DST: variants seen among roughly 807,000 people sequenced by gnomAD.
DST encodes dystonin.
Under a neutral mutation model 875.2 loss-of-function variants are expected in DST, and 253 were observed. The observed-to-expected ratio is 0.29, with a 90% CI of 0.26 to 0.32. DST has a LOEUF of 0.32. Among genes scored for constraint, DST ranks in the 10% least tolerant of loss-of-function variants. DST has a pLI of 1.00. For synonymous variants in DST, 3,124 were observed against 3,197.1 expected (o/e 0.98, Z 0.77); for missense variants, 8,287 against 9,111.6 (o/e 0.91, Z 3.68).
chr6:56,501,315 A>C, intron 79 of DST, 80 bp from the exon 80 acceptor site: 3 of 1,418,698 alleles, frequency 2.1e-6, no homozygotes, highest in Non-Finnish European at 2.8e-6. Flanking sequence ...GACAAAAATA[A>C]TTGTTTCATG....
rs1001984627 is a variant in DST at position 56,506,821 on chromosome 6, T to G, written c.19240-32A>C. Reference sequence around the variant, plus strand: ...TAAGAAAATGACAGCCTTAGAATTTTAAGCAAAACCACATCAAAACTTTAA... The same window carrying G: ...TAAGAAAATGACAGCCTTAGAATTTGAAGCAAAACCACATCAAAACTTTAA... On this transcript the variant is annotated intron_variant, in intron 75 of 103. Coordinates refer to ENST00000680361, the MANE Select transcript of DST (RefSeq NM_001374736.1). 3.8e-6 allele frequency: 6 copies of G among 1,587,674 alleles called. No individual in the cohort carries two copies. In the African/African-American group the frequency reaches 6.8e-5, roughly 18 times the overall value.
chr6:56,819,251 G>C (rs2099770165), intron 4 of DST, among the ~76,000 whole-genome samples: 1 of 152,178 alleles, frequency 6.6e-6, no homozygotes, highest in Non-Finnish European at 1.5e-5. Flanking sequence ...TACCAGAGAG[G>C]AGAAAGAGAT....
In DST at chr6:56,597,801, T is replaced by G; in HGVS notation, c.12134A>C (p.Asp4045Ala). The G allele has an allele frequency of 6.2e-7, 1 of 1,613,930 alleles. No individual in the cohort carries two copies. The highest frequency in any genetic ancestry group is 8.5e-7 in the Non-Finnish European group (1 of 1,179,850). The part of the protein sequence containing the change: ...DEVNGNLLET[D>A]VDGQVGTTQE... ...AGTGGTTCCAACTTGCCCATCAACA[T>G]CAGTCTCCAACAGGTTACCATTAAC... is the stretch of plus-strand genomic sequence containing the variant. Residue 4045 changes from aspartate (D) to alanine (A), a missense_variant, in exon 47 of 104, where the codon GAT (aspartate) becomes GCT (alanine). By Grantham distance (126) the Asp-to-Ala change is moderately radical. Coordinates refer to ENST00000680361, the MANE Select transcript of DST (RefSeq NM_001374736.1).
intron 3 of DST, among the ~76,000 whole-genome samples, chr6:56,886,245 TA>T (rs1215272444): frequency 1.3e-5 from 2 of 152,128 alleles, no homozygotes; most frequent in African/African-American, 4.8e-5. Flanking sequence ...AAAGACTAAA[TA>T]AACATAGGAT....
At chr6:56,732,781 C>A (rs1008892633) in intron 5 of DST, among the ~76,000 whole-genome samples, 2 of 152,164 alleles carry the variant, frequency 1.3e-5, no homozygotes, top group East Asian at 3.9e-4. Flanking sequence ...AAAGTAAACA[C>A]AACCCCACAT....
At chr6:56,926,350 G>T (rs539091350) in intron 2 of DST, among the ~76,000 whole-genome samples, 5 of 152,160 alleles carry the variant, frequency 3.3e-5, no homozygotes, top group African/African-American at 1.2e-4. Context: ...AACATGGAAT[G>T]CACCCTCAGC....
At chr6:56,878,279 AG>A (rs1780422580) in intron 3 of DST, among the ~76,000 whole-genome samples, 1 of 152,152 alleles carries the variant, frequency 6.6e-6, no homozygotes, top group Non-Finnish European at 1.5e-5. Context: ...ACCAAGGGAG[AG>A]GGCTTCAAGG....
At chr6:56,833,185 C>T (rs1475804907) in intron 4 of DST, among the ~76,000 whole-genome samples, 2 of 152,138 alleles carry the variant, frequency 1.3e-5, no homozygotes, top group African/African-American at 2.4e-5. Flanking sequence ...TTAGGAACTA[C>T]GACTCTTCTA....
At chr6:56,885,181 G>T (rs529049969) in intron 3 of DST, among the ~76,000 whole-genome samples, 1 of 152,016 alleles carries the variant, frequency 6.6e-6, no homozygotes, top group African/African-American at 2.4e-5. Flanking sequence ...GCTCATAGCC[G>T]CCCTCCCCTT....
At position 56,722,452 on chromosome 6, in the gene DST, C is replaced by T. The variant is rs535268131; in HGVS notation, c.687+12776G>A. Among the ~76,000 whole-genome samples the T allele has an allele frequency of 8.4e-4, 128 of 152,214 alleles. 1 individual carries two copies. Among genetic ancestry groups the T allele is most frequent in the Non-Finnish European group, 1.6e-3 (106 of 68,018 alleles). ...AGGCTGGAGTGCAGTGGTGCAATCT[C>T]GGCTCACTGCAACCTCTGCCTCCCA... is the stretch of plus-strand genomic sequence containing the variant. On this transcript the variant is annotated intron_variant, in intron 5 of 103. Transcript: ENST00000680361.
chr6:56,469,012 A>C lies in DST; in HGVS notation c.22552-13T>G, dbSNP rs2094735615. The C allele has an allele frequency of 6.4e-7, 1 of 1,571,452 alleles. No individual in the cohort carries two copies. The highest frequency in any genetic ancestry group is 1.4e-5 in the African/African-American group (1 of 73,964). ...TTCCCAGGAAGAACTGATAAAAATG[A>C]AAAATGGAAGAAAGACACAATTAGT... On this transcript the variant is annotated splice_polypyrimidine_tract_variant and intron_variant, in intron 97 of 103. Transcript: ENST00000680361.
rs557119793 is a variant in DST at position 56,799,048 on chromosome 6, G to C, written c.625+52349C>G. ...GCAAAGAAAGTGGTTTCTTGAGGCA[G>C]AATCTACTCCTGGTGAAGACACTGT... On this transcript the variant is annotated intron_variant, in intron 4 of 103. Transcript: ENST00000680361. Among the ~76,000 whole-genome samples, 80 of 152,234 alleles carry C rather than the reference G, an allele frequency of 5.3e-4. 1 individual carries two copies. The highest frequency in any genetic ancestry group is 1.6e-4 in the Non-Finnish European group (11 of 68,040).
intron 3 of DST, among the ~76,000 whole-genome samples, chr6:56,872,832 C>CCTTT (rs5876523): frequency 1.2e-4 from 15 of 127,892 alleles, no homozygotes; most frequent in African/African-American, 3.7e-4. Flanking sequence ...TCCCCCCCCC[C>CCTTT]TTTTTTTTTT....
intron 61 of DST, chr6:56,541,110 T>G (rs985008583): frequency 6.6e-6 from 1 of 152,630 alleles, no homozygotes; most frequent in African/African-American, 2.4e-5. Context: ...ACAAAAGAGC[T>G]TTCACTTTTG....
At chr6:56,764,999 A>AGGAAGGAAGGG (rs1589856716) in intron 4 of DST, among the ~76,000 whole-genome samples, 1 of 134,046 alleles carries the variant, frequency 7.5e-6, no homozygotes, top group African/African-American at 3.2e-5. Flanking sequence ...GGGAGGGAGG[A>AGGAAGGAAGGG]AGGGAGGGAG....
chr6:56,463,601 C>T lies in DST; in HGVS notation c.22923G>A (p.Ala7641=), dbSNP rs554371778. Residue 7641 remains alanine (A), a synonymous_variant, in exon 101 of 104, where the codon GCG becomes GCA. Transcript: ENST00000680361. ...TGGTGGCAGGGACCTGTGGGGAGGC[C>T]GCCTGCGCAGCCTGACTGGACACAG... is the stretch of plus-strand genomic sequence containing the variant. ...STSVSSQAAQ[A]ASPQVPATTT... The T allele has an allele frequency of 1.8e-5, 29 of 1,605,658 alleles. No homozygotes were observed. Among genetic ancestry groups the T allele is most frequent in the Middle Eastern group, 1.7e-4 (1 of 6,038 alleles).
rs1362389881 is a variant in DST at position 56,634,579 on chromosome 6, T to C, written c.3377A>G (p.Asn1126Ser). Residue 1126 changes from asparagine to serine, a missense_variant, in exon 26 of 104, where the codon AAT becomes AGT. Physicochemically the swap from Asn to Ser is conservative, Grantham distance 46. Coordinates refer to ENST00000680361, the MANE Select transcript of DST (RefSeq NM_001374736.1). ...CTTCCATTTAGCACGATGAGAGTTA[T>C]TCGCCAAAACACATTCATCGTCTTT... ...IYKDDECVLANNSHRAKWKVI... is the reference protein window; with the variant it reads ...IYKDDECVLASNSHRAKWKVI... The C allele has an allele frequency of 6.2e-7, 1 of 1,614,214 alleles. No homozygotes were observed. The highest frequency in any genetic ancestry group is 1.1e-5 in the South Asian group (1 of 91,080).
At position 56,788,128 on chromosome 6, in the gene DST, C is replaced by CAAAA. The variant is rs781369739; in HGVS notation, c.626-52843_626-52840dup. 1.3e-3 allele frequency among the ~76,000 whole-genome samples: 35 copies of CAAAA among 26,584 alleles called. 4 individuals are homozygous for CAAAA. Among genetic ancestry groups the CAAAA allele is most frequent in the African/African-American group, 5.3e-3 (27 of 5,138 alleles). The allele number at this position is 26,584 out of a possible 152,430, so 17.4% of individuals were successfully genotyped here. The stretch of plus-strand genomic sequence containing the variant: ...TGAGTGACAGAGCAAGACTCCGTCT[C>CAAAA]AAAAAAAAAAAAAAAAAAAAAAAAA... On this transcript the variant is annotated intron_variant, in intron 4 of 103. Transcript: ENST00000680361.
intron 72 of DST, among the ~76,000 whole-genome samples, chr6:56,514,068 C>T (rs911997255): frequency 3.3e-5 from 5 of 152,150 alleles, no homozygotes; most frequent in South Asian, 4.1e-4. Flanking sequence ...TCCCTTTATA[C>T]AGACAATCAC....
Sources: gnomAD v4.1 joint callset for allele counts (sites outside exome capture counted in the v4.1 genomes callset) on GRCh38, gnomAD v4.1.1 for gene constraint, MANE v1.5 for transcripts, NCBI Gene and HGNC (gene_info 2026-07-23, HGNC 2026-07-21) for gene names.